UBE2Q2: variants seen among roughly 807,000 people sequenced by gnomAD.
UBE2Q2 encodes ubiquitin-conjugating enzyme E2 Q2.
UBE2Q2 carries 54 observed loss-of-function variants against 59.9 expected under a neutral mutation model. The ratio of observed to expected loss-of-function variants is 0.90; its 90% CI spans 0.72 to 1.13. The LOEUF is 1.13. Among genes scored for constraint, UBE2Q2 ranks in the 50% most tolerant of loss-of-function variants. UBE2Q2 has a pLI of 0.00. For synonymous variants in UBE2Q2, 165 were observed against 155.2 expected, an observed-to-expected ratio of 1.06 and a Z score of -0.47; for missense variants, 433 against 441.9, an observed-to-expected ratio of 0.98 and a Z score of 0.18.
intron 9 of UBE2Q2, among the ~76,000 whole-genome samples, chr15:75,888,350 T>A (rs1365134015): frequency 6.6e-6 from 1 of 152,202 alleles, no homozygotes; most frequent in Non-Finnish European, 1.5e-5. Flanking sequence ...TCATATAAAA[T>A]GTGGCTTTTT....
intron 11 of UBE2Q2, among the ~76,000 whole-genome samples, chr15:75,891,816 C>G (rs1011718535): frequency 6.6e-6 from 1 of 152,146 alleles, no homozygotes; most frequent in African/African-American, 2.4e-5. Context: ...GTTACCATGA[C>G]TTTTAGCAAG....
chr15:75,858,616 C>T (rs932380853), intron 2 of UBE2Q2, among the ~76,000 whole-genome samples: 1 of 152,080 alleles, frequency 6.6e-6, no homozygotes, highest in African/African-American at 2.4e-5. Flanking sequence ...AATTGAAATT[C>T]GTGGAGAGTG....
At chr15:75,898,390 T>TA (rs1447281325) in intron 12 of UBE2Q2, among the ~76,000 whole-genome samples, 1 of 152,130 alleles carries the variant, frequency 6.6e-6, no homozygotes, top group African/African-American at 2.4e-5. Context: ...TTTTGTTATT[T>TA]TAAAAAAATA....
At chr15:75,854,259 T>G in intron 1 of UBE2Q2, 127 bp from the exon 2 acceptor site, 1 of 603,336 alleles carries the variant, frequency 1.7e-6, no homozygotes, top group Non-Finnish European at 2.8e-6. Flanking sequence ...GTTTTTAATA[T>G]GTTGCCTTTT....
intron 1 of UBE2Q2, among the ~76,000 whole-genome samples, chr15:75,847,517 C>T (rs1266412438): frequency 6.6e-6 from 1 of 152,046 alleles, no homozygotes; most frequent in African/African-American, 2.4e-5. Context: ...ACCTCGAGTC[C>T]TTTTTATTCT....
intron 2 of UBE2Q2, among the ~76,000 whole-genome samples, chr15:75,856,246 C>CGTGT (rs370925975): frequency 0.021 from 2,787 of 135,614 alleles, 39 homozygotes; most frequent in African/African-American, 0.029. Flanking sequence ...TGTGTATATA[C>CGTGT]GTGTGTGTGT....
intron 6 of UBE2Q2, among the ~76,000 whole-genome samples, chr15:75,877,034 C>G (rs1898121339): frequency 6.6e-6 from 1 of 151,878 alleles, no homozygotes; most frequent in Non-Finnish European, 1.5e-5. Context: ...GTGGCGCACG[C>G]CTGGTGATCC....
intron 6 of UBE2Q2, 128 bp from the exon 7 acceptor site, chr15:75,877,833 G>A: frequency 1.5e-6 from 1 of 654,866 alleles, no homozygotes; most frequent in Non-Finnish European, 2.6e-6. Flanking sequence ...TTACTATATA[G>A]CTTAGTTGTT....
intron 9 of UBE2Q2, 32 bp downstream of exon 9, chr15:75,883,456 T>C (rs1898561944): frequency 1.9e-6 from 3 of 1,587,776 alleles, no homozygotes; most frequent in Non-Finnish European, 8.6e-7. Context: ...AAAAGAAATT[T>C]TTTTCAGTTA....
chr15:75,869,013 A>C lies in UBE2Q2; in HGVS notation c.447+3A>C. The C allele has an allele frequency of 1.2e-6, 2 of 1,609,914 alleles. No homozygotes were observed. Among genetic ancestry groups the C allele is most frequent in the Non-Finnish European group, 1.7e-6 (2 of 1,177,148 alleles). ...AAGAAGAAGAAGAGATGGCTGAAGTAGGTATTTTATATAAAAGAAGAGTTC... is the reference window on the plus strand; with the variant it reads ...AAGAAGAAGAAGAGATGGCTGAAGTCGGTATTTTATATAAAAGAAGAGTTC... On this transcript the variant is annotated splice_donor_region_variant and intron_variant, in intron 4 of 12. Transcript: ENST00000267938.
At chr15:75,847,984 C>G (rs1263650098) in intron 1 of UBE2Q2, among the ~76,000 whole-genome samples, 4 of 152,096 alleles carry the variant, frequency 2.6e-5, no homozygotes, top group African/African-American at 9.7e-5. Flanking sequence ...GTGCCTACCC[C>G]CAACAGCAAG....
intron 3 of UBE2Q2, among the ~76,000 whole-genome samples, chr15:75,866,512 C>G (rs1400827105): frequency 1.3e-5 from 2 of 152,184 alleles, no homozygotes; most frequent in Non-Finnish European, 2.9e-5. Context: ...ACTTAATATT[C>G]TAAAGTCTTT....
At chr15:75,874,124 T>G (rs908098091) in intron 5 of UBE2Q2, among the ~76,000 whole-genome samples, 2 of 152,154 alleles carry the variant, frequency 1.3e-5, no homozygotes, top group African/African-American at 4.8e-5. Flanking sequence ...CCGGCCTGTT[T>G]ATGCTGTTTT....
chr15:75,868,815 T>C, intron 3 of UBE2Q2, 136 bp from the exon 4 acceptor site: 2 of 610,982 alleles, frequency 3.3e-6, no homozygotes, highest in Non-Finnish European at 5.7e-6. Context: ...AAGATAAACA[T>C]TTTAATTTTA....
intron 9 of UBE2Q2, among the ~76,000 whole-genome samples, chr15:75,886,044 C>T (rs570934335): frequency 1.4e-4 from 21 of 152,202 alleles, no homozygotes; most frequent in African/African-American, 4.8e-4. Flanking sequence ...ATAGTTCTTA[C>T]GTTTTTCATA....
At position 75,897,470 on chromosome 15, in the gene UBE2Q2, C is replaced by T. The variant is rs372464787; in HGVS notation, c.1096+409C>T. Among the ~76,000 whole-genome samples the T allele has an allele frequency of 6.6e-5, 10 of 152,162 alleles. No homozygotes were observed. The East Asian group carries it at 1.5e-3, about 24-fold the overall frequency. ...TCCTGACTTTGTGATCCGCCCGCCTCGGCCTCCCAAAGTACTGGGATTACA... is the reference window on the plus strand; with the variant it reads ...TCCTGACTTTGTGATCCGCCCGCCTTGGCCTCCCAAAGTACTGGGATTACA... On this transcript the variant is annotated intron_variant, in intron 12 of 12. Coordinates refer to ENST00000267938, the MANE Select transcript of UBE2Q2 (RefSeq NM_173469.4).
chr15:75,858,614 T>C (rs761777973), intron 2 of UBE2Q2, among the ~76,000 whole-genome samples: 122 of 152,276 alleles, frequency 8.0e-4, no homozygotes, highest in Non-Finnish European at 1.1e-3. Flanking sequence ...AAAATTGAAA[T>C]TCGTGGAGAG....
chr15:75,875,419 C>T (rs1177305342), intron 5 of UBE2Q2, among the ~76,000 whole-genome samples: 1 of 152,146 alleles, frequency 6.6e-6, no homozygotes, highest in Non-Finnish European at 1.5e-5. Context: ...TTAGAGATGT[C>T]CCTGCACTGA....
rs1357225463 is a variant in UBE2Q2, at chr15:75,843,671, C to T, written c.5C>T (p.Ser2Phe). M[S>F]VSGLKAELKF... ...CCCGCCGGAGATGAGGGGAAGATGT[C>T]CGTGTCAGGGCTCAAGGCCGAGCTG... The change falls in exon 1 of 13, where the codon TCC becomes TTC. Residue 2 changes from serine (S) to phenylalanine (F), a missense_variant. Transcript: ENST00000267938. 8 of 1,601,226 alleles carry T rather than the reference C, an allele frequency of 5.0e-6. No homozygotes were observed. Among genetic ancestry groups the T allele is most frequent in the Admixed American group, 3.4e-5 (2 of 59,304 alleles).
Sources: gnomAD v4.1 joint callset for allele counts (sites outside exome capture counted in the v4.1 genomes callset) on GRCh38, gnomAD v4.1.1 for gene constraint, MANE v1.5 for transcripts, NCBI Gene and HGNC (gene_info 2026-07-23, HGNC 2026-07-21) for gene names.